The following TLN2 variants were observed in gnomAD, a reference collection of about 807,000 sequenced individuals.
TLN2 encodes the protein talin 2.
A neutral mutation model predicts 294.7 loss-of-function variants in TLN2; 118 were observed. The observed-to-expected ratio is 0.40, with a 90% CI of 0.34 to 0.47. The LOEUF (loss-of-function observed/expected upper bound fraction) is 0.47. Ranked by LOEUF, TLN2 falls within the 20% of genes least tolerant of loss-of-function variation. The pLI is 0.84. For synonymous variants in TLN2, 1,431 were observed against 1,304.5 expected, an observed-to-expected ratio of 1.10 and a Z score of -2.09; for missense variants, 3,083 against 3,282.2, an observed-to-expected ratio of 0.94 and a Z score of 1.48.
intron 2 of TLN2, among the ~76,000 whole-genome samples, chr15:62,592,664 A>C (rs894235781): frequency 1.3e-5 from 2 of 152,236 alleles, no homozygotes; most frequent in African/African-American, 4.8e-5. Context: ...TCTGAATAAA[A>C]GTTAATGAAT....
At chr15:62,730,011 C>G (rs1194216372) in intron 28 of TLN2, among the ~76,000 whole-genome samples, 1 of 145,624 alleles carries the variant, frequency 6.9e-6, no homozygotes, top group Non-Finnish European at 1.5e-5. Flanking sequence ...ACCTTTCTTT[C>G]AATTATTTTA....
At chr15:62,604,543 A>AG (rs1445864711) in intron 2 of TLN2, among the ~76,000 whole-genome samples, 28 of 149,920 alleles carry the variant, frequency 1.9e-4, no homozygotes, top group Middle Eastern at 3.4e-3. Flanking sequence ...AAAAAAAAAA[A>AG]AAAGAAAAGG....
intron 45 of TLN2, among the ~76,000 whole-genome samples, chr15:62,785,230 G>C (rs1304801401): frequency 6.6e-6 from 1 of 152,030 alleles, no homozygotes; most frequent in East Asian, 1.9e-4. Context: ...CTTTACACAG[G>C]CCTATCATTT....
chr15:62,468,128 A>G (rs961989140), intron 1 of TLN2, among the ~76,000 whole-genome samples: 7 of 150,656 alleles, frequency 4.6e-5, no homozygotes, highest in African/African-American at 1.2e-4. Context: ...TTATTAAATA[A>G]ATTTTTAAAT....
rs1371824984 is a variant in TLN2 at position 62,761,690 on chromosome 15, G to A, written c.4648G>A (p.Gly1550Arg). 1.9e-6 allele frequency: 3 copies of A among 1,614,028 alleles called. No homozygotes were observed. The highest frequency in any genetic ancestry group is 2.5e-6 in the Non-Finnish European group (3 of 1,180,024). The change falls in exon 38 of 59, where the codon GGG becomes AGG. Residue 1550 changes from glycine to arginine, a missense_variant. Gly to Arg is a moderately radical substitution (Grantham distance 125). Transcript: ENST00000636159. ...TGTTTTCTCCCATCAGGCCCTGGAT[G>A]GGGATTTCTCTGAAGACAACCGCAA... The part of the protein sequence containing the change: ...NLVKTIKALD[G>R]DFSEDNRNKC...
chr15:62,781,094 CAGCAG>C (rs2064127124), intron 43 of TLN2, 41 bp from the exon 44 acceptor site: 1 of 1,435,732 alleles, frequency 7.0e-7, no homozygotes, highest in Non-Finnish European at 9.8e-7. Context: ...GTCTACACTT[CAGCAG>C]GCTTCTTATG....
At chr15:62,792,012 A>G (rs971285706) in intron 45 of TLN2, among the ~76,000 whole-genome samples, 25 of 152,200 alleles carry the variant, frequency 1.6e-4, no homozygotes, top group Admixed American at 9.8e-4. Flanking sequence ...TTTTAGCTCT[A>G]AAAATGTACC....
At chr15:62,549,102 A>G (rs1473263468) in intron 1 of TLN2, among the ~76,000 whole-genome samples, 1 of 152,104 alleles carries the variant, frequency 6.6e-6, no homozygotes, top group African/African-American at 2.4e-5. Context: ...GTACATGTAG[A>G]GTCAATTAGC....
intron 45 of TLN2, among the ~76,000 whole-genome samples, chr15:62,787,674 G>A (rs779161143): frequency 8.1e-5 from 12 of 147,244 alleles, no homozygotes; most frequent in Non-Finnish European, 1.6e-4. Context: ...GAGAAGCTTA[G>A]CATTTTTAAA....
rs553744077 is a variant in TLN2 at position 62,585,353 on chromosome 15, G to A, written c.-237-4334G>A. On this transcript the variant is annotated intron_variant, in intron 1 of 58. Transcript: ENST00000636159. ...TTTACCAAATACTTATTGGATTCCA[G>A]ACACCATGCTAAAAACTTCACGTAT... Among the ~76,000 whole-genome samples, 3 of 152,246 alleles carry A rather than the reference G, an allele frequency of 2.0e-5. No homozygotes were observed. In the South Asian group the frequency reaches 6.2e-4, roughly 32 times the overall value.
intron 8 of TLN2, 136 bp downstream of exon 8, chr15:62,656,222 G>T: frequency 9.2e-7 from 1 of 1,088,206 alleles, no homozygotes. Context: ...CTGCTCGTGG[G>T]TCCCCGCATG....
chr15:62,547,202 A>G (rs1055130459), intron 1 of TLN2, among the ~76,000 whole-genome samples: 1 of 152,158 alleles, frequency 6.6e-6, no homozygotes, highest in Non-Finnish European at 1.5e-5. Flanking sequence ...CAGCCCTTTC[A>G]TTTCTCTACT....
chr15:62,738,381 G>A (rs765873824), intron 30 of TLN2, 48 bp downstream of exon 30: 10 of 1,596,722 alleles, frequency 6.3e-6, no homozygotes, highest in South Asian at 1.1e-5. Context: ...CTAGGCTCGC[G>A]TTAGGTGTGA....
intron 51 of TLN2, among the ~76,000 whole-genome samples, chr15:62,806,569 T>G (rs1188529890): frequency 6.6e-6 from 1 of 152,238 alleles, no homozygotes; most frequent in African/African-American, 2.4e-5. Flanking sequence ...CAGTCTGTGC[T>G]AGACATCTTG....
chr15:62,677,786 A>T (rs1374606291), intron 11 of TLN2, among the ~76,000 whole-genome samples: 1 of 131,770 alleles, frequency 7.6e-6, no homozygotes, highest in Non-Finnish European at 1.6e-5. Flanking sequence ...AAGGATTAAG[A>T]AAGTAGGCAG....
At chr15:62,508,589 A>G (rs184778938) in intron 1 of TLN2, among the ~76,000 whole-genome samples, 1 of 152,384 alleles carries the variant, frequency 6.6e-6, no homozygotes, top group Non-Finnish European at 1.5e-5. Context: ...AAAAATGACC[A>G]AATTTTCTAT....
rs973681016 is a variant in TLN2, at chr15:62,716,318, T to G, written c.2635-13T>G. ...TGCTGGACCACTTGAAATCTTTATT[T>G]TTGCCTTTGCAGGGGGCTGCAGCCA... is the stretch of plus-strand genomic sequence containing the variant. On this transcript the variant is annotated splice_polypyrimidine_tract_variant and intron_variant, in intron 22 of 58. Coordinates refer to ENST00000636159, the MANE Select transcript of TLN2 (RefSeq NM_015059.3). The G allele has an allele frequency of 2.5e-6, 4 of 1,576,870 alleles. No homozygotes were observed. The highest frequency in any genetic ancestry group is 3.4e-6 in the Non-Finnish European group (4 of 1,166,772).
At chr15:62,400,800 G>A (rs2032958963) in intron 1 of TLN2, among the ~76,000 whole-genome samples, 1 of 145,744 alleles carries the variant, frequency 6.9e-6, no homozygotes, top group African/African-American at 2.5e-5. Context: ...CAGCAAAGGG[G>A]TTATGTTTCC....
intron 45 of TLN2, among the ~76,000 whole-genome samples, chr15:62,788,217 A>T (rs1244139540): frequency 6.6e-6 from 1 of 151,800 alleles, no homozygotes; most frequent in Admixed American, 6.6e-5. Flanking sequence ...AGGCTGAGGC[A>T]GGAGAATCGC....
Sources: allele counts gnomAD v4.1 joint callset (sites outside exome capture counted in the v4.1 genomes callset), GRCh38; gene constraint gnomAD v4.1.1; transcripts MANE v1.5; gene names NCBI Gene and HGNC (gene_info 2026-07-23, HGNC 2026-07-21).